The following CEP170 variants were observed in gnomAD, a reference collection of about 807,000 sequenced individuals.
CEP170 encodes centrosomal protein of 170 kDa.
Under a neutral mutation model 151.9 loss-of-function variants are expected in CEP170, and 21 were observed. The ratio of observed to expected loss-of-function variants is 0.14; its 90% CI spans 0.10 to 0.20. CEP170 has a LOEUF of 0.20. Among genes scored for constraint, CEP170 ranks in the 10% least tolerant of loss-of-function variants. CEP170 has a pLI of 1.00. For synonymous variants in CEP170, 356 were observed against 648.8 expected (o/e 0.55, Z 6.86); for missense variants, 964 against 1,892.9 (o/e 0.51, Z 9.11).
At chr1:243,181,111 G>T (rs547201217) in intron 10 of CEP170, among the ~76,000 whole-genome samples, 3 of 152,106 alleles carry the variant, frequency 2.0e-5, no homozygotes, top group Non-Finnish European at 4.4e-5. Flanking sequence ...CTCCTATTTA[G>T]CTTAGGAGGT....
intron 14 of CEP170, among the ~76,000 whole-genome samples, chr1:243,153,773 C>A (rs544046768): frequency 6.6e-6 from 1 of 152,096 alleles, no homozygotes; most frequent in Non-Finnish European, 1.5e-5. Context: ...CTTACTATAG[C>A]GGTCTGAAAC....
chr1:243,254,685 A>T (rs1019541971), intron 1 of CEP170, among the ~76,000 whole-genome samples: 3 of 152,044 alleles, frequency 2.0e-5, no homozygotes, highest in African/African-American at 7.2e-5. Flanking sequence ...GGAGGGCTGC[A>T]CAAAGCCAGT....
chr1:243,141,742 A>G (rs1176761074), intron 15 of CEP170, among the ~76,000 whole-genome samples: 1 of 152,240 alleles, frequency 6.6e-6, no homozygotes, highest in African/African-American at 2.4e-5. Context: ...GTAATAGTCT[A>G]TACATGGTAA....
At chr1:243,186,504 G>C in intron 8 of CEP170, 82 bp from the exon 9 acceptor site, 2 of 1,418,814 alleles carry the variant, frequency 1.4e-6, no homozygotes, top group East Asian at 2.4e-5. Context: ...AGTGCTATTT[G>C]TTTTGCTCCC....
At chr1:243,196,116 GA>G (rs1158523746) in intron 7 of CEP170, among the ~76,000 whole-genome samples, 1 of 152,114 alleles carries the variant, frequency 6.6e-6, no homozygotes, top group Non-Finnish European at 1.5e-5. Context: ...TTATTATGCT[GA>G]GCTAGGAGGG....
chr1:243,214,576 G>A (rs2062105516), intron 3 of CEP170, among the ~76,000 whole-genome samples: 1 of 152,120 alleles, frequency 6.6e-6, no homozygotes, highest in African/African-American at 2.4e-5. Context: ...GTGAGCTACT[G>A]CGCCCAGCCA....
At chr1:243,142,728 A>G (rs142634416) in intron 14 of CEP170, among the ~76,000 whole-genome samples, 5 of 152,204 alleles carry the variant, frequency 3.3e-5, no homozygotes, top group Non-Finnish European at 5.9e-5. Flanking sequence ...CTTAACACAC[A>G]CTGTGTTAAT....
intron 10 of CEP170, among the ~76,000 whole-genome samples, chr1:243,173,061 T>C (rs1281148014): frequency 6.6e-6 from 1 of 151,978 alleles, no homozygotes; most frequent in East Asian, 1.9e-4. Flanking sequence ...TGAAAGTAAT[T>C]ATCCTTTTTT....
chr1:243,247,338 T>C (rs951278103), intron 1 of CEP170, among the ~76,000 whole-genome samples: 1 of 152,154 alleles, frequency 6.6e-6, no homozygotes, highest in Admixed American at 6.5e-5. Context: ...AAAGCTATTA[T>C]CTCAAAGCCT....
At chr1:243,246,381 A>G (rs2065401793) in intron 1 of CEP170, among the ~76,000 whole-genome samples, 1 of 151,596 alleles carries the variant, frequency 6.6e-6, no homozygotes, top group African/African-American at 2.4e-5. Flanking sequence ...ACAGGTGTGC[A>G]CCACCACGCT....
chr1:243,226,030 TATATCTATCTCTAGATATATATATCTAG>T lies in CEP170; in HGVS notation c.-41-737_-41-710del, dbSNP rs1201103327. On this transcript the variant is annotated intron_variant, in intron 1 of 19. Coordinates refer to ENST00000366542, the MANE Select transcript of CEP170 (RefSeq NM_014812.3). ...ATCTAGATATATATACACACGTATATATATCTATCTCTAGATATATATATCTAGATATATATATCTATATCTAGATATA... is the reference window on the plus strand; with the variant it reads ...ATCTAGATATATATACACACGTATATATATATATATCTATATCTAGATATA... 4.2e-3 allele frequency among the ~76,000 whole-genome samples: 529 copies of T among 125,938 alleles called. 7 individuals are homozygous for T. Among genetic ancestry groups the T allele is most frequent in the African/African-American group, 0.014 (509 of 35,802 alleles). The allele number at this position is 125,938 out of a possible 152,430, so 82.6% of individuals were successfully genotyped here.
chr1:243,137,631 G>C (rs1027546332), intron 16 of CEP170, among the ~76,000 whole-genome samples: 1 of 151,916 alleles, frequency 6.6e-6, no homozygotes, highest in Non-Finnish European at 1.5e-5. Context: ...AAAAATTAGC[G>C]GGGCGTGCTG....
At position 243,124,745 on chromosome 1, in the gene CEP170, C is replaced by A. The variant is rs2053573176; in HGVS notation, c.*1704G>T. ...CCAACTTTTTCTTCAAATGGATTGA[C>A]CCTGTTTTAACATTTCGTTTATTCC... On this transcript the variant is annotated 3_prime_UTR_variant, in exon 20 of 20. Transcript: ENST00000366542. 3 of 152,684 alleles carry A rather than the reference C, an allele frequency of 2.0e-5. No individual in the cohort carries two copies. The highest frequency in any genetic ancestry group is 4.1e-4 in the South Asian group (2 of 4,822). The allele number at this position is 152,684 out of a possible 1,614,324, so 9.5% of individuals were successfully genotyped here.
At chr1:243,166,838 G>T (rs945794600) in intron 12 of CEP170, among the ~76,000 whole-genome samples, 1 of 151,850 alleles carries the variant, frequency 6.6e-6, no homozygotes, top group Non-Finnish European at 1.5e-5. Flanking sequence ...GCTAAGTCAA[G>T]CTAATTAATA....
intron 3 of CEP170, among the ~76,000 whole-genome samples, chr1:243,216,554 T>C (rs954805422): frequency 1.3e-5 from 2 of 152,274 alleles, no homozygotes; most frequent in East Asian, 1.9e-4. Flanking sequence ...GTAGTTACAG[T>C]AAAATACTTA....
intron 2 of CEP170, among the ~76,000 whole-genome samples, chr1:243,222,867 G>A (rs2148995336): frequency 6.6e-6 from 1 of 152,230 alleles, no homozygotes; most frequent in African/African-American, 2.4e-5. Context: ...AGAAGCCTCC[G>A]CTAGAAACAG....
At chr1:243,223,902 A>G (rs767803823) in intron 2 of CEP170, among the ~76,000 whole-genome samples, 1 of 152,220 alleles carries the variant, frequency 6.6e-6, no homozygotes, top group Non-Finnish European at 1.5e-5. Flanking sequence ...TGAAATGTAT[A>G]TAAAGTATCA....
intron 2 of CEP170, among the ~76,000 whole-genome samples, chr1:243,222,068 G>A (rs1326345813): frequency 6.6e-6 from 1 of 152,142 alleles, no homozygotes; most frequent in African/African-American, 2.4e-5. Context: ...ATTTACATCA[G>A]CTGACTTCGC....
At position 243,142,324 on chromosome 1, in the gene CEP170, T is replaced by C; in HGVS notation, c.4051A>G (p.Arg1351Gly). Residue 1351 changes from arginine (R) to glycine (G), a missense_variant, in exon 15 of 20, where the codon AGA (arginine) becomes GGA (glycine). Transcript: ENST00000366542. The stretch of plus-strand genomic sequence containing the variant: ...CCATGAAGATCTCCTACCTCTTCTC[T>C]AGTGTCTATGGCAGAGCCAGGGGTG... ...ATTPGSAIDT[R>G]EELVDRVFDE... 6.3e-7 allele frequency: 1 copy of C among 1,596,730 alleles called. No homozygotes were observed. The highest frequency in any genetic ancestry group is 8.5e-7 in the Non-Finnish European group (1 of 1,174,046).
Sources: allele counts gnomAD v4.1 joint callset (sites outside exome capture counted in the v4.1 genomes callset), GRCh38; gene constraint gnomAD v4.1.1; transcripts MANE v1.5; gene names NCBI Gene and HGNC (gene_info 2026-07-23, HGNC 2026-07-21).